ZNF529: variants seen among roughly 807,000 people sequenced by gnomAD.
ZNF529 encodes the protein zinc finger protein 529.
ZNF529 carries 11 observed loss-of-function variants against 10.1 expected under a neutral mutation model. That is an observed-to-expected ratio of 1.09 (90% CI 0.69 to 1.81). The LOEUF is 1.81. ZNF529 is among the 40% of genes most tolerant of loss of function. The probability of loss-of-function intolerance (pLI) is 0.00; values close to 1 mark genes in which losing one functional copy is unlikely to be tolerated. For missense variants in ZNF529, 624 were observed against 666.8 expected (o/e 0.94, Z 0.71); for synonymous variants, 204 against 215.7 (o/e 0.95, Z 0.47).
chr19:36,573,473 C>A (rs1194317986), upstream of ZNF529: 2 of 470,878 alleles, frequency 4.2e-6, no homozygotes, highest in African/African-American at 2.0e-5. Flanking sequence ...CAGAGGCTGC[C>A]GCTGCGCGTC....
chr19:36,573,702 C>T (rs2036236555), upstream of ZNF529: 2 of 330,244 alleles, frequency 6.1e-6, no homozygotes, highest in African/African-American at 4.3e-5. Flanking sequence ...GTCGCGGACC[C>T]GGCTGCTCAG....
Position 36,547,721 on chromosome 19 carries a change from C to G in ZNF529, c.837G>C (p.Glu279Asp). 1 of 1,613,918 alleles carries G rather than the reference C, an allele frequency of 6.2e-7. No homozygotes were observed. Among genetic ancestry groups the G allele is most frequent in the Non-Finnish European group, 8.5e-7 (1 of 1,179,852 alleles). Residue 279 changes from glutamate to aspartate, a missense_variant, in exon 5 of 5, where the codon GAG becomes GAC. Glu to Asp is a conservative substitution (Grantham distance 45). Coordinates refer to ENST00000591340, the MANE Select transcript of ZNF529 (RefSeq NM_020951.5). ...CACAGAATGAGCATTCAAAGTGTTT[C>G]TCACCATCATGAACTCTTTGAAGTG... is the stretch of plus-strand genomic sequence containing the variant. Reference protein sequence around the residue: ...VTPLQRVHDGEKHFECSFCGK... With the variant: ...VTPLQRVHDGDKHFECSFCGK...
intron 1 of ZNF529, among the ~76,000 whole-genome samples, chr19:36,603,771 C>G (rs1268593851): frequency 1.3e-5 from 2 of 152,170 alleles, no homozygotes; most frequent in Non-Finnish European, 2.9e-5. Flanking sequence ...AAAGAAAAGT[C>G]AGGTTCACCA....
At chr19:36,572,081 A>C (rs985097173) in intron 2 of ZNF529, among the ~76,000 whole-genome samples, 2 of 148,562 alleles carry the variant, frequency 1.3e-5, no homozygotes, top group African/African-American at 5.0e-5. Flanking sequence ...CTCCTTAACA[A>C]ATTACATTCT....
intron 2 of ZNF529, among the ~76,000 whole-genome samples, chr19:36,564,520 G>C (rs957432742): frequency 9.2e-5 from 14 of 152,114 alleles, no homozygotes; most frequent in Non-Finnish European, 1.9e-4. Context: ...AATCATCAGA[G>C]AAATGCAAAT....
chr19:36,577,611 C>G (rs2036357720), upstream of ZNF529: 1 of 153,050 alleles, frequency 6.5e-6, no homozygotes, highest in South Asian at 2.0e-4. Flanking sequence ...TCCTGAGTAG[C>G]TGGGACTAGA....
chr19:36,552,994 GA>G (rs2035320519), intron 4 of ZNF529, among the ~76,000 whole-genome samples: 1 of 152,194 alleles, frequency 6.6e-6, no homozygotes, highest in South Asian at 2.1e-4. Flanking sequence ...TGCCTGGGTG[GA>G]AAGCCTACCT....
At chr19:36,600,086 C>G (rs1417162660) in intron 1 of ZNF529, among the ~76,000 whole-genome samples, 2 of 152,054 alleles carry the variant, frequency 1.3e-5, no homozygotes, top group African/African-American at 4.8e-5. Context: ...TCAGGCTAGT[C>G]TCGAACTCCT....
At chr19:36,565,661 C>A (rs1338331761) in intron 2 of ZNF529, among the ~76,000 whole-genome samples, 1 of 152,068 alleles carries the variant, frequency 6.6e-6, no homozygotes, top group Non-Finnish European at 1.5e-5. Flanking sequence ...GATTGTGCCA[C>A]CGCTCTCATG....
At position 36,547,190 on chromosome 19, in the gene ZNF529, T is replaced by C. The variant is rs2278168; in HGVS notation, c.1368A>G (p.Gly456=). 350,954 of 1,613,232 alleles carry C rather than the reference T, an allele frequency of 0.22. 38,387 individuals carry two copies. Among genetic ancestry groups the C allele is most frequent in the African/African-American group, 0.27 (19,868 of 74,850 alleles). Residue 456 remains glycine (G), a synonymous_variant, in exon 5 of 5, where the codon GGA becomes GGG. Transcript: ENST00000591340. ...GGGCTGACGTAAGTCTAAAGAACTT[T>C]CCACACTCCTTACATTCATAAGGTT... ...GQKPYECKEC[G]KFFRLTSALI... is the part of the protein sequence containing the mutation.
intron 2 of ZNF529, chr19:36,582,745 T>TAA (rs1265158849): frequency 2.0e-5 from 3 of 146,782 alleles, no homozygotes; most frequent in Non-Finnish European, 4.5e-5. Context: ...ATAAATCAAT[T>TAA]AAGTAGAAAT....
intron 2 of ZNF529, among the ~76,000 whole-genome samples, chr19:36,586,623 A>G (rs1481737333): frequency 6.6e-6 from 1 of 152,146 alleles, no homozygotes; most frequent in South Asian, 2.1e-4. Flanking sequence ...AAAAAGAAAA[A>G]AAAAAAGCTA....
At chr19:36,582,440 T>G (rs926216846) in intron 2 of ZNF529, 8 of 151,940 alleles carry the variant, frequency 5.3e-5, no homozygotes, top group African/African-American at 1.7e-4. Flanking sequence ...GCGCGGTGGC[T>G]CACGCCTGTA....
upstream of ZNF529, among the ~76,000 whole-genome samples, chr19:36,575,166 A>T (rs554415753): frequency 5.9e-5 from 9 of 152,364 alleles, no homozygotes; most frequent in Admixed American, 4.6e-4. Context: ...TGTACATTCC[A>T]TGATAACTGA....
chr19:36,598,890 C>T (rs530601455), intron 1 of ZNF529, among the ~76,000 whole-genome samples: 1 of 152,298 alleles, frequency 6.6e-6, no homozygotes, highest in South Asian at 2.1e-4. Context: ...CTGAGGCCTG[C>T]TCTTTCTTAT....
At chr19:36,566,174 A>T (rs566478225) in intron 2 of ZNF529, among the ~76,000 whole-genome samples, 2 of 152,330 alleles carry the variant, frequency 1.3e-5, no homozygotes, top group Admixed American at 6.5e-5. Flanking sequence ...TGGGAAAACA[A>T]CAACAACAAC....
chr19:36,599,130 A>T (rs2036885510), intron 1 of ZNF529, among the ~76,000 whole-genome samples: 1 of 152,240 alleles, frequency 6.6e-6, no homozygotes, highest in Non-Finnish European at 1.5e-5. Flanking sequence ...GTAACTATTA[A>T]CATCAATTCT....
chr19:36,575,274 A>G (rs1380159814), upstream of ZNF529, among the ~76,000 whole-genome samples: 5 of 152,352 alleles, frequency 3.3e-5, no homozygotes, highest in East Asian at 9.6e-4. Flanking sequence ...TCTAATAACT[A>G]AAATATCACA....
At chr19:36,591,405 C>A (rs1392569199) in intron 1 of ZNF529, among the ~76,000 whole-genome samples, 5 of 151,210 alleles carry the variant, frequency 3.3e-5, no homozygotes, top group Non-Finnish European at 5.9e-5. Context: ...TACTGAAACA[C>A]ACAAGATGAA....
Sources: allele counts gnomAD v4.1 joint callset (sites outside exome capture counted in the v4.1 genomes callset), GRCh38; gene constraint gnomAD v4.1.1; transcripts MANE v1.5; gene names NCBI Gene and HGNC (gene_info 2026-07-23, HGNC 2026-07-21).